DENND1A: variants seen among roughly 807,000 people sequenced by gnomAD.
The protein encoded by DENND1A is DENN domain-containing protein 1A.
A neutral mutation model predicts 113.7 loss-of-function variants in DENND1A; 51 were observed. That is an observed-to-expected ratio of 0.45 (90% CI 0.36 to 0.57). The LOEUF is 0.57. Ranked by LOEUF, DENND1A falls within the 20% of genes least tolerant of loss-of-function variation. The pLI is 0.00. For synonymous variants in DENND1A, 565 were observed against 570.8 expected, an observed-to-expected ratio of 0.99 and a Z score of 0.14; for missense variants, 1,258 against 1,395.9, an observed-to-expected ratio of 0.90 and a Z score of 1.57.
At chr9:123,426,515 G>A (rs986019895) in intron 19 of DENND1A, among the ~76,000 whole-genome samples, 2 of 152,156 alleles carry the variant, frequency 1.3e-5, no homozygotes, top group East Asian at 3.8e-4. Context: ...AGAGCTCCTC[G>A]TGGCTGCTAA....
chr9:123,679,924 T>C (rs2064331846), intron 5 of DENND1A, among the ~76,000 whole-genome samples: 6 of 152,070 alleles, frequency 3.9e-5, no homozygotes, highest in Admixed American at 3.9e-4. Context: ...GTGTGACGGC[T>C]TGAGTCCCCA....
At chr9:123,918,122 T>A (rs1230701) in intron 1 of DENND1A, among the ~76,000 whole-genome samples, 53,287 of 147,968 alleles carry the variant, frequency 0.36, 11,871 homozygotes, top group African/African-American at 0.63. Flanking sequence ...TCAAAAAAAA[T>A]AAATAAATAA....
In DENND1A at chr9:123,595,725, G is replaced by C. The variant is rs76158808; in HGVS notation, c.766-12455C>G. ...CCGAGGTCATGCTCCTTACCTTCAG[G>C]GTTGTTGAAAAGATTGGGGGAGACA... is the stretch of plus-strand genomic sequence containing the variant. On this transcript the variant is annotated intron_variant, in intron 11 of 23. Transcript: ENST00000394215. Among the ~76,000 whole-genome samples the C allele has an allele frequency of 3.8e-3, 572 of 152,148 alleles. 3 individuals are homozygous for C. Among genetic ancestry groups the C allele is most frequent in the African/African-American group, 0.013 (547 of 41,500 alleles).
At chr9:123,880,355 A>G (rs1487470837) in intron 1 of DENND1A, among the ~76,000 whole-genome samples, 2 of 152,220 alleles carry the variant, frequency 1.3e-5, no homozygotes, top group Non-Finnish European at 2.9e-5. Flanking sequence ...GGTTAATTCT[A>G]GATAATAAGA....
At chr9:123,733,284 T>C (rs186394824) in intron 5 of DENND1A, among the ~76,000 whole-genome samples, 104 of 151,392 alleles carry the variant, frequency 6.9e-4, no homozygotes, top group African/African-American at 2.5e-3. Flanking sequence ...CCCGGCCAGT[T>C]TGTTTGTTTT....
chr9:123,511,318 G>A (rs2053443020), intron 13 of DENND1A, among the ~76,000 whole-genome samples: 1 of 152,230 alleles, frequency 6.6e-6, no homozygotes, highest in Non-Finnish European at 1.5e-5. Flanking sequence ...CCTAGGCTAT[G>A]GTGAGGATCT....
chr9:123,882,706 G>A (rs1382447968), intron 1 of DENND1A, among the ~76,000 whole-genome samples: 1 of 152,130 alleles, frequency 6.6e-6, no homozygotes, highest in Non-Finnish European at 1.5e-5. Flanking sequence ...TTCAGGTTAT[G>A]TCACTTCTTT....
At chr9:123,590,198 T>A (rs545242476) in intron 11 of DENND1A, among the ~76,000 whole-genome samples, 2 of 152,214 alleles carry the variant, frequency 1.3e-5, no homozygotes, top group African/African-American at 4.8e-5. Context: ...TCCCCTAAGG[T>A]TTATCTGCAC....
chr9:123,514,001 C>G (rs2053662278), intron 13 of DENND1A, among the ~76,000 whole-genome samples: 1 of 151,932 alleles, frequency 6.6e-6, no homozygotes, highest in South Asian at 2.1e-4. Flanking sequence ...TTATTAAAAA[C>G]AGAATTCCCT....
chr9:123,485,237 C>T (rs1208273265), intron 13 of DENND1A, among the ~76,000 whole-genome samples: 5 of 152,242 alleles, frequency 3.3e-5, no homozygotes, highest in South Asian at 4.1e-4. Context: ...AAAATCTGCT[C>T]GTGATTATAA....
At chr9:123,529,148 T>C (rs897649116) in intron 13 of DENND1A, among the ~76,000 whole-genome samples, 1 of 152,188 alleles carries the variant, frequency 6.6e-6, no homozygotes, top group African/African-American at 2.4e-5. Flanking sequence ...AACAAATGAA[T>C]GAATGACAAA....
chr9:123,918,430 G>A (rs1365819156), intron 1 of DENND1A, among the ~76,000 whole-genome samples: 2 of 150,608 alleles, frequency 1.3e-5, no homozygotes, highest in African/African-American at 4.9e-5. Context: ...GGAGCTTGCA[G>A]TGAGCTGAGA....
intron 1 of DENND1A, among the ~76,000 whole-genome samples, chr9:123,897,472 AC>A (rs1850939282): frequency 6.6e-6 from 1 of 152,140 alleles, no homozygotes; most frequent in Admixed American, 6.6e-5. Context: ...GATAGGGCAA[AC>A]CCCTATTACT....
chr9:123,637,915 A>ACGCACACACACACG (rs199515744), intron 9 of DENND1A, among the ~76,000 whole-genome samples: 3 of 40,094 alleles, frequency 7.5e-5, no homozygotes, highest in African/African-American at 5.7e-4. Flanking sequence ...GAATAAACAC[A>ACGCACACACACACG]CACACACACA....
chr9:123,488,554 C>G (rs567713931), intron 13 of DENND1A, among the ~76,000 whole-genome samples: 3 of 152,268 alleles, frequency 2.0e-5, no homozygotes, highest in African/African-American at 7.2e-5. Flanking sequence ...TAATTTGGGG[C>G]TCAAGGGCTT....
Position 123,527,541 on chromosome 9 carries a change from C to T in DENND1A, c.993+30029G>A, listed in dbSNP as rs138246878. On this transcript the variant is annotated intron_variant, in intron 13 of 23. Transcript: ENST00000394215. ...CTCTCACCTATCCCTGGCTACCCCA[C>T]TCATTTATTCTTCATCTCTCAGCTT... is the stretch of plus-strand genomic sequence containing the variant. 1.8e-4 allele frequency among the ~76,000 whole-genome samples: 27 copies of T among 152,290 alleles called. No homozygotes were observed. In the East Asian group the frequency reaches 4.2e-3, roughly 24 times the overall value.
At chr9:123,922,468 T>C (rs1302213765) in intron 1 of DENND1A, among the ~76,000 whole-genome samples, 1 of 152,178 alleles carries the variant, frequency 6.6e-6, no homozygotes. Flanking sequence ...TAAAAATAAA[T>C]ACAATTTCTA....
Position 123,382,292 on chromosome 9 carries a change from G to A in DENND1A, c.2353C>T (p.Leu785Phe), listed in dbSNP as rs2042317023. 1.2e-6 allele frequency: 2 copies of A among 1,611,050 alleles called. No individual in the cohort carries two copies. The highest frequency in any genetic ancestry group is 4.5e-5 in the East Asian group (2 of 44,860). The change falls in exon 24 of 24, where the codon CTC becomes TTC. Residue 785 changes from leucine to phenylalanine, a missense_variant. Leu to Phe is a conservative substitution (Grantham distance 22). Transcript: ENST00000394215. ...CCAAGTGCGGCGCCGGCAGCCTGGAGCTTGGCCGGGCGGGGAATGGGCGGT... is the reference window on the plus strand; with the variant it reads ...CCAAGTGCGGCGCCGGCAGCCTGGAACTTGGCCGGGCGGGGAATGGGCGGT... ...PPPPIPRPAK[L>F]QAAGAALGDV... is the part of the protein sequence containing the mutation.
chr9:123,789,546 C>A (rs1832696131), intron 3 of DENND1A, among the ~76,000 whole-genome samples: 1 of 152,092 alleles, frequency 6.6e-6, no homozygotes, highest in African/African-American at 2.4e-5. Context: ...ACTTTTACTG[C>A]CCATTTGTCT....
Sources: gnomAD v4.1 joint callset for allele counts (sites outside exome capture counted in the v4.1 genomes callset) on GRCh38, gnomAD v4.1.1 for gene constraint, MANE v1.5 for transcripts, NCBI Gene and HGNC (gene_info 2026-07-23, HGNC 2026-07-21) for gene names.